The following PARD3B variants were observed in gnomAD, a reference collection of about 807,000 sequenced individuals.
PARD3B encodes the protein partitioning defective 3 homolog B.
In PARD3B, 103 loss-of-function variants were observed where a neutral mutation model predicts 130.2. That is an observed-to-expected ratio of 0.79 (90% CI 0.67 to 0.93). The LOEUF (loss-of-function observed/expected upper bound fraction) is 0.93, where lower values mean the gene tolerates loss of function less well. Among genes scored for constraint, PARD3B ranks in the 40% least tolerant of loss-of-function variants. The pLI, the probability that PARD3B is intolerant of heterozygous loss-of-function variation, is 0.00. For missense variants in PARD3B, 1,609 were observed against 1,499.2 expected (o/e 1.07, Z -1.21); for synonymous variants, 583 against 553.2 (o/e 1.05, Z -0.76).
At chr2:204,819,907 T>C (rs571672244) in intron 2 of PARD3B, among the ~76,000 whole-genome samples, 1 of 151,960 alleles carries the variant, frequency 6.6e-6, no homozygotes, top group African/African-American at 2.4e-5. Context: ...AGAAGAAAAG[T>C]TGGAAGCTAG....
chr2:205,169,450 TG>T (rs1375543964), intron 11 of PARD3B, among the ~76,000 whole-genome samples: 2 of 152,256 alleles, frequency 1.3e-5, no homozygotes, highest in Admixed American at 1.3e-4. Context: ...GCTTAGTAAC[TG>T]TTGATAGATT....
At position 204,630,512 on chromosome 2, in the gene PARD3B, T is replaced by C. The variant is rs13385968; in HGVS notation, c.121-55669T>C. 8.8e-3 allele frequency among the ~76,000 whole-genome samples: 1,339 copies of C among 152,310 alleles called. 19 individuals carry two copies. Among genetic ancestry groups the C allele is most frequent in the African/African-American group, 0.031 (1,282 of 41,568 alleles). On this transcript the variant is annotated intron_variant, in intron 1 of 22. Coordinates refer to ENST00000406610, the MANE Select transcript of PARD3B (RefSeq NM_001302769.2). ...TTGGTTTTGCTGAACAATTGGATGT[T>C]ATTTTATAATGATTTATTCTTGATA...
intron 2 of PARD3B, among the ~76,000 whole-genome samples, chr2:204,803,236 A>C (rs2125505160): frequency 6.6e-6 from 1 of 150,696 alleles, no homozygotes; most frequent in South Asian, 2.1e-4. Flanking sequence ...GGAGAAATAA[A>C]ATCCAAGGGA....
chr2:205,504,930 C>T (rs1313965781), intron 21 of PARD3B, among the ~76,000 whole-genome samples: 4 of 152,162 alleles, frequency 2.6e-5, no homozygotes, highest in Non-Finnish European at 5.9e-5. Flanking sequence ...GCTATAAAGA[C>T]ACATGCACGC....
chr2:204,925,575 A>T (rs1016851996), intron 2 of PARD3B, among the ~76,000 whole-genome samples: 1 of 94,970 alleles, frequency 1.1e-5, no homozygotes, highest in African/African-American at 3.2e-5. Context: ...TTACGGCAAG[A>T]TGAGGAAACG....
chr2:205,545,976 G>C (rs954850523), intron 21 of PARD3B, among the ~76,000 whole-genome samples: 1 of 152,142 alleles, frequency 6.6e-6, no homozygotes, highest in African/African-American at 2.4e-5. Flanking sequence ...AAGGAACCAT[G>C]AATGTAAGCA....
intron 20 of PARD3B, among the ~76,000 whole-genome samples, chr2:205,489,538 G>GCATATATATGTATATATATA (rs2049600166): frequency 8.7e-5 from 1 of 11,496 alleles, no homozygotes; most frequent in African/African-American, 1.6e-4. Flanking sequence ...CATATATATG[G>GCATATATATGTATATATATA]CATATATATG....
intron 1 of PARD3B, among the ~76,000 whole-genome samples, chr2:204,663,999 T>C (rs191268724): frequency 1.1e-3 from 173 of 152,324 alleles, no homozygotes; most frequent in African/African-American, 4.0e-3. Context: ...AAAAACTCTT[T>C]TCAGTATCCA....
At chr2:204,818,402 G>GTAAA (rs1196212346) in intron 2 of PARD3B, among the ~76,000 whole-genome samples, 2 of 152,070 alleles carry the variant, frequency 1.3e-5, no homozygotes, top group African/African-American at 2.4e-5. Context: ...TAAACTATTT[G>GTAAA]CTTCTTTCTA....
At chr2:205,205,355 T>C (rs1439899138) in intron 15 of PARD3B, among the ~76,000 whole-genome samples, 1 of 152,208 alleles carries the variant, frequency 6.6e-6, no homozygotes, top group Non-Finnish European at 1.5e-5. Flanking sequence ...GCTGAGACGA[T>C]GGGGTTTTCT....
intron 15 of PARD3B, among the ~76,000 whole-genome samples, chr2:205,231,514 T>G (rs1325956354): frequency 6.6e-6 from 1 of 151,336 alleles, no homozygotes; most frequent in African/African-American, 2.4e-5. Context: ...TTTTTTTTTT[T>G]TTTGTAGAGA....
chr2:205,320,243 T>TGAAGGAAG (rs1036952688), intron 18 of PARD3B, among the ~76,000 whole-genome samples: 4 of 139,372 alleles, frequency 2.9e-5, no homozygotes, highest in Non-Finnish European at 4.7e-5. Flanking sequence ...AAGGAAGGAA[T>TGAAGGAAG]GAAGGAAGGA....
intron 2 of PARD3B, among the ~76,000 whole-genome samples, chr2:204,912,581 C>T (rs1341680689): frequency 6.6e-6 from 1 of 152,086 alleles, no homozygotes; most frequent in Non-Finnish European, 1.5e-5. Flanking sequence ...AAGCAGATTT[C>T]TTTTAAAGAA....
intron 18 of PARD3B, among the ~76,000 whole-genome samples, chr2:205,315,157 C>G (rs1288666418): frequency 6.6e-6 from 1 of 152,130 alleles, no homozygotes; most frequent in Admixed American, 6.5e-5. Flanking sequence ...GCTTTCCACA[C>G]AAAAATGCAA....
In PARD3B at chr2:205,553,389, C is replaced by T. The variant is rs1191402861; in HGVS notation, c.3246C>T (p.Tyr1082=). 1.1e-5 allele frequency: 18 copies of T among 1,613,800 alleles called. No homozygotes were observed. Among genetic ancestry groups the T allele is most frequent in the Admixed American group, 3.3e-5 (2 of 59,998 alleles). ...NLRFEGMERQ[Y]ASLPRGGPAD... ...GCTTTGAAGGGATGGAGAGGCAGTA[C>T]GCATCCTTACCCAGGTAGATCACGG... Residue 1082 remains tyrosine (Y), a synonymous_variant, in exon 22 of 23, where the codon TAC becomes TAT. Coordinates refer to ENST00000406610, the MANE Select transcript of PARD3B (RefSeq NM_001302769.2).
intron 2 of PARD3B, among the ~76,000 whole-genome samples, chr2:204,950,830 T>G (rs1487827085): frequency 6.6e-6 from 1 of 152,104 alleles, no homozygotes; most frequent in Non-Finnish European, 1.5e-5. Context: ...TGAAACCCTG[T>G]TTTTCTTTGT....
chr2:204,859,079 G>A (rs1477503031), intron 2 of PARD3B, among the ~76,000 whole-genome samples: 1 of 151,860 alleles, frequency 6.6e-6, no homozygotes, highest in African/African-American at 2.4e-5. Context: ...TTTACATGAT[G>A]TTTATTAAAT....
chr2:204,588,898 C>T (rs972683845), intron 1 of PARD3B, among the ~76,000 whole-genome samples: 1 of 152,138 alleles, frequency 6.6e-6, no homozygotes, highest in Admixed American at 6.6e-5. Context: ...TACAAATCCT[C>T]TTTTCCTCAA....
chr2:204,722,444 A>G (rs1389985739), intron 2 of PARD3B, among the ~76,000 whole-genome samples: 4 of 152,176 alleles, frequency 2.6e-5, no homozygotes, highest in Non-Finnish European at 5.9e-5. Context: ...GCTAACTTCT[A>G]CAGTTTAAAT....
Sources: gnomAD v4.1 joint callset for allele counts (sites outside exome capture counted in the v4.1 genomes callset) on GRCh38, gnomAD v4.1.1 for gene constraint, MANE v1.5 for transcripts, NCBI Gene and HGNC (gene_info 2026-07-23, HGNC 2026-07-21) for gene names.